The following SLC8A1 variants were observed in gnomAD, a reference collection of about 807,000 sequenced individuals.
SLC8A1 encodes solute carrier family 8 member A1.
A neutral mutation model predicts 68.3 loss-of-function variants in SLC8A1; 18 were observed. That is an observed-to-expected ratio of 0.26 (90% CI 0.18 to 0.39). The LOEUF is 0.39. Among genes scored for constraint, SLC8A1 ranks in the 10% least tolerant of loss-of-function variants. The probability of loss-of-function intolerance (pLI) is 1.00; values close to 1 mark genes in which losing one functional copy is unlikely to be tolerated. For synonymous variants in SLC8A1, 475 were observed against 415.5 expected (o/e 1.14, Z -1.74); for missense variants, 985 against 1,156.7 (o/e 0.85, Z 2.15).
chr2:40,369,110 T>C lies in SLC8A1; in HGVS notation c.1808+59363A>G, dbSNP rs537913770. ...TTAGGAGACGACCTAGGCAATAACA[T>C]TAAGGACACAGGCTGGGGCAAAGAT... On this transcript the variant is annotated intron_variant, in intron 2 of 7. Transcript: ENST00000406785. 8.5e-5 allele frequency among the ~76,000 whole-genome samples: 13 copies of C among 152,116 alleles called. No homozygotes were observed. The East Asian group carries it at 2.5e-3, about 29-fold the overall frequency.
chr2:40,338,451 C>A (rs1030384669), intron 2 of SLC8A1, among the ~76,000 whole-genome samples: 1 of 152,244 alleles, frequency 6.6e-6, no homozygotes, highest in South Asian at 2.1e-4. Flanking sequence ...TCTGAGAACT[C>A]TGAGCCTGCT....
chr2:40,490,194 GTATT>G (rs1383393073), intron 1 of SLC8A1, among the ~76,000 whole-genome samples: 1 of 152,042 alleles, frequency 6.6e-6, no homozygotes. Context: ...ATACAATCAC[GTATT>G]TATAAGGGCA....
intron 7 of SLC8A1, among the ~76,000 whole-genome samples, chr2:40,128,690 A>G (rs1223697442): frequency 1.3e-5 from 2 of 152,202 alleles, no homozygotes; most frequent in Non-Finnish European, 2.9e-5. Flanking sequence ...ATGAACCAAG[A>G]TTACTGTTGG....
intron 2 of SLC8A1, among the ~76,000 whole-genome samples, chr2:40,330,413 A>G (rs2076291796): frequency 6.6e-6 from 1 of 152,230 alleles, no homozygotes; most frequent in Non-Finnish European, 1.5e-5. Flanking sequence ...GTAAGAAAAG[A>G]ACAAAACCAA....
chr2:40,406,189 A>T (rs1690258953), intron 2 of SLC8A1, among the ~76,000 whole-genome samples: 1 of 152,206 alleles, frequency 6.6e-6, no homozygotes, highest in Non-Finnish European at 1.5e-5. Flanking sequence ...TTTCTCAAAA[A>T]TTTAAACATA....
At chr2:40,291,172 A>T (rs1000188693) in intron 2 of SLC8A1, among the ~76,000 whole-genome samples, 1 of 152,128 alleles carries the variant, frequency 6.6e-6, no homozygotes, top group African/African-American at 2.4e-5. Context: ...CCTTCTTTTC[A>T]GTCATGAAGA....
rs116457722 is a variant in SLC8A1, at chr2:40,226,181, G to A, written c.1809-48326C>T. 2.4e-3 allele frequency among the ~76,000 whole-genome samples: 362 copies of A among 152,230 alleles called. 2 individuals carry two copies. The highest frequency in any genetic ancestry group is 8.3e-3 in the African/African-American group (345 of 41,542). ...TCACAAGCACAGGGGAGCCTGCTGG[G>A]CAATGGGAAGGGCAAAGGATGGCAA... On this transcript the variant is annotated intron_variant, in intron 2 of 7. Transcript: ENST00000406785.
intron 2 of SLC8A1, among the ~76,000 whole-genome samples, chr2:40,244,250 A>G (rs1311986910): frequency 1.3e-5 from 2 of 152,128 alleles, no homozygotes; most frequent in African/African-American, 4.8e-5. Flanking sequence ...ACATTAGGAA[A>G]GCGTCAGTGC....
intron 1 of SLC8A1, among the ~76,000 whole-genome samples, chr2:40,449,624 C>CT (rs1391442050): frequency 5.3e-5 from 8 of 152,006 alleles, no homozygotes; most frequent in African/African-American, 1.7e-4. Context: ...AACAAAAGGG[C>CT]TATGTGCTTA....
At chr2:40,435,341 C>A (rs1411973419) in intron 1 of SLC8A1, among the ~76,000 whole-genome samples, 1 of 152,138 alleles carries the variant, frequency 6.6e-6, no homozygotes, top group Non-Finnish European at 1.5e-5. Flanking sequence ...TCTCATCTGA[C>A]CATCTCACCT....
Position 40,252,939 on chromosome 2 carries a change from G to A in SLC8A1, c.1809-75084C>T, listed in dbSNP as rs948073071. ...TATATATACATACATGTATATGTATGTACATATATACATATGTGTGTATAT... is the reference window on the plus strand; with the variant it reads ...TATATATACATACATGTATATGTATATACATATATACATATGTGTGTATAT... On this transcript the variant is annotated intron_variant, in intron 2 of 7. Transcript: ENST00000406785. Among the ~76,000 whole-genome samples the A allele has an allele frequency of 6.1e-4, 60 of 97,562 alleles. 1 individual carries two copies. Among genetic ancestry groups the A allele is most frequent in the East Asian group, 6.0e-3 (24 of 4,018 alleles). The allele number at this position is 97,562 out of a possible 152,430, so 64.0% of individuals were successfully genotyped here.
intron 2 of SLC8A1, among the ~76,000 whole-genome samples, chr2:40,274,948 G>A (rs192799167): frequency 2.6e-5 from 4 of 152,276 alleles, no homozygotes; most frequent in Non-Finnish European, 4.4e-5. Context: ...TAATGGCACA[G>A]ACTGCCCATT....
chr2:40,191,800 G>T (rs929348304), intron 2 of SLC8A1, among the ~76,000 whole-genome samples: 1 of 152,126 alleles, frequency 6.6e-6, no homozygotes, highest in African/African-American at 2.4e-5. Context: ...GTGTAGTTCA[G>T]TTAGGGCTCA....
chr2:40,389,833 G>C (rs1684730393), intron 2 of SLC8A1, among the ~76,000 whole-genome samples: 1 of 147,764 alleles, frequency 6.8e-6, no homozygotes. Flanking sequence ...TGATATATAT[G>C]ATATATATAT....
chr2:40,240,440 G>C (rs1347239850), intron 2 of SLC8A1, among the ~76,000 whole-genome samples: 1 of 152,216 alleles, frequency 6.6e-6, no homozygotes, highest in African/African-American at 2.4e-5. Flanking sequence ...CACCACAGCT[G>C]GGAAATGACA....
chr2:40,198,027 C>G (rs1215710771), intron 2 of SLC8A1, among the ~76,000 whole-genome samples: 3 of 151,962 alleles, frequency 2.0e-5, no homozygotes, highest in Non-Finnish European at 4.4e-5. Flanking sequence ...GAGTGCATAT[C>G]AGAATGGACC....
chr2:40,202,801 T>C (rs1335424752), intron 2 of SLC8A1, among the ~76,000 whole-genome samples: 1 of 152,004 alleles, frequency 6.6e-6, no homozygotes, highest in Non-Finnish European at 1.5e-5. Context: ...TCACTGTTCA[T>C]GAATTGCAAT....
chr2:40,294,806 C>T (rs2070029787), intron 2 of SLC8A1, among the ~76,000 whole-genome samples: 1 of 152,060 alleles, frequency 6.6e-6, no homozygotes, highest in South Asian at 2.1e-4. Context: ...AGGTATAGCG[C>T]TTACTGTTCA....
At chr2:40,378,133 A>G (rs1386286200) in intron 2 of SLC8A1, among the ~76,000 whole-genome samples, 1 of 152,126 alleles carries the variant, frequency 6.6e-6, no homozygotes, top group Admixed American at 6.6e-5. Flanking sequence ...TAGAGTTTAA[A>G]TTCTGGTGAA....
Sources: allele counts gnomAD v4.1 joint callset (sites outside exome capture counted in the v4.1 genomes callset), GRCh38; gene constraint gnomAD v4.1.1; transcripts MANE v1.5; gene names NCBI Gene and HGNC (gene_info 2026-07-23, HGNC 2026-07-21).